MRTFB: variants seen among roughly 807,000 people sequenced by gnomAD.
MRTFB encodes the protein myocardin-related transcription factor B.
A neutral mutation model predicts 104.2 loss-of-function variants in MRTFB; 29 were observed. The ratio of observed to expected loss-of-function variants is 0.28; its 90% CI spans 0.21 to 0.38. MRTFB has a LOEUF of 0.38. Among genes scored for constraint, MRTFB ranks in the 10% least tolerant of loss-of-function variants. The pLI is 1.00. For missense variants in MRTFB, 1,270 were observed against 1,341.6 expected (o/e 0.95, Z 0.83); for synonymous variants, 535 against 519.5 (o/e 1.03, Z -0.41).
At chr16:14,156,433 A>G (rs774674987) in intron 3 of MRTFB, among the ~76,000 whole-genome samples, 1 of 152,220 alleles carries the variant, frequency 6.6e-6, no homozygotes, top group South Asian at 2.1e-4. Context: ...TGATCAGTGG[A>G]TGAACGAAAT....
the MRTFB span, among the ~76,000 whole-genome samples, chr16:14,011,108 T>C: frequency 2.0e-5 from 3 of 152,244 alleles, no homozygotes; most frequent in Non-Finnish European, 2.9e-5. Context: ...TGGACAAATC[T>C]CTTCCCTTTT....
chr16:14,101,537 G>A (rs2035702247), intron 2 of MRTFB, among the ~76,000 whole-genome samples: 2 of 152,200 alleles, frequency 1.3e-5, no homozygotes, highest in Non-Finnish European at 2.9e-5. Flanking sequence ...GAATATGCCA[G>A]GAGTAATTTT....
At chr16:14,194,289 A>G (rs1471144586) in intron 3 of MRTFB, among the ~76,000 whole-genome samples, 1 of 152,234 alleles carries the variant, frequency 6.6e-6, no homozygotes, top group Non-Finnish European at 1.5e-5. Context: ...TGGTGAGGCC[A>G]GTTAATGGTG....
chr16:14,107,113 G>A (rs1048238321), intron 2 of MRTFB, among the ~76,000 whole-genome samples: 2 of 152,234 alleles, frequency 1.3e-5, no homozygotes, highest in Non-Finnish European at 2.9e-5. Context: ...GCACATGCCA[G>A]TAATCTCAGC....
the MRTFB span, among the ~76,000 whole-genome samples, chr16:14,023,515 C>A: frequency 2.0e-5 from 3 of 151,684 alleles, no homozygotes; most frequent in Admixed American, 6.6e-5. Flanking sequence ...AGTTTTTAAG[C>A]TCTGTGCTTC....
intron 3 of MRTFB, among the ~76,000 whole-genome samples, chr16:14,155,770 A>G (rs927164544): frequency 3.3e-5 from 5 of 152,124 alleles, no homozygotes; most frequent in African/African-American, 1.2e-4. Context: ...CCGACCTTGT[A>G]TGCACTCTGG....
chr16:14,129,713 T>C (rs1475157159), intron 2 of MRTFB, among the ~76,000 whole-genome samples: 2 of 152,236 alleles, frequency 1.3e-5, no homozygotes, highest in African/African-American at 2.4e-5. Context: ...CTTTTGTCTG[T>C]CTTTTTAGTA....
intron 15 of MRTFB, among the ~76,000 whole-genome samples, 170 bp downstream of exon 15, chr16:14,252,672 G>A (rs2043305034): frequency 6.6e-6 from 1 of 152,170 alleles, no homozygotes; most frequent in Non-Finnish European, 1.5e-5. Flanking sequence ...CATTTATCAT[G>A]AAGACCTTAA....
intron 1 of MRTFB, among the ~76,000 whole-genome samples, 171 bp downstream of exon 1, chr16:14,071,536 C>T (rs1399026265): frequency 6.7e-6 from 1 of 149,802 alleles, no homozygotes; most frequent in Non-Finnish European, 1.5e-5. Flanking sequence ...CCCCGGGACT[C>T]GCGCGGGGCG....
intron 3 of MRTFB, among the ~76,000 whole-genome samples, chr16:14,192,760 C>G (rs2040243828): frequency 6.6e-6 from 1 of 152,168 alleles, no homozygotes; most frequent in Non-Finnish European, 1.5e-5. Flanking sequence ...CAGACCTGTG[C>G]TGCCATCTGC....
At chr16:14,111,424 G>T (rs186220357) in intron 2 of MRTFB, among the ~76,000 whole-genome samples, 79 of 152,328 alleles carry the variant, frequency 5.2e-4, no homozygotes, top group Admixed American at 2.0e-3. Flanking sequence ...CCTGAAGGAG[G>T]TAGAAAATCC....
At chr16:14,186,904 A>T (rs2151033419) in intron 3 of MRTFB, 1 of 1,598,194 alleles carries the variant, frequency 6.3e-7, no homozygotes, top group East Asian at 2.2e-5. Context: ...TGTCTTCAGA[A>T]GCCTCTCACC....
At chr16:14,159,700 C>G (rs1174816613) in intron 3 of MRTFB, among the ~76,000 whole-genome samples, 1 of 151,732 alleles carries the variant, frequency 6.6e-6, no homozygotes, top group Non-Finnish European at 1.5e-5. Flanking sequence ...GAGGCCGAGG[C>G]GGGCGGATCA....
rs1238866501 is a variant in MRTFB, at chr16:14,246,938, C to G, written c.1678C>G (p.Leu560Val). The part of the protein sequence containing the change: ...EDSLSPTSST[L>V]SNLELDAAEK... Reference sequence around the variant, plus strand: ...CAGTCTGAGTCCCACCAGCAGCACTCTGTCAAACCTGGAACTGGATGCAGC... The same window carrying G: ...CAGTCTGAGTCCCACCAGCAGCACTGTGTCAAACCTGGAACTGGATGCAGC... Residue 560 changes from leucine (L) to valine (V), a missense_variant, in exon 12 of 17, where the codon CTG becomes GTG. Physicochemically the swap from Leu to Val is conservative, Grantham distance 32. This residue lies in a region of MRTFB where 1,144 missense variants were observed against 1,131.5 expected (regional missense o/e 1.01). Transcript: ENST00000571589. 14 of 1,613,938 alleles carry G rather than the reference C, an allele frequency of 8.7e-6. No homozygotes were observed. The highest frequency in any genetic ancestry group is 8.0e-5 in the African/African-American group (6 of 74,924).
chr16:14,047,909 G>A, the MRTFB span, among the ~76,000 whole-genome samples: 2,721 of 152,104 alleles, frequency 0.018, 87 homozygotes, highest in African/African-American at 0.062. Context: ...CTTCCCAACC[G>A]TCCCCCAAAG....
At chr16:14,209,144 A>G (rs1307373033) in intron 3 of MRTFB, among the ~76,000 whole-genome samples, 1 of 152,228 alleles carries the variant, frequency 6.6e-6, no homozygotes, top group Non-Finnish European at 1.5e-5. Context: ...GATGGAGGCC[A>G]CGTGCCTGCG....
chr16:14,145,990 C>T (rs1211030250), intron 3 of MRTFB, among the ~76,000 whole-genome samples: 2 of 152,218 alleles, frequency 1.3e-5, no homozygotes, highest in Non-Finnish European at 2.9e-5. Context: ...GTGTGCAAGA[C>T]CGGTAAGCTG....
chr16:14,070,279 C>A (rs1341580321), upstream of MRTFB, among the ~76,000 whole-genome samples: 1 of 152,230 alleles, frequency 6.6e-6, no homozygotes, highest in Non-Finnish European at 1.5e-5. Context: ...TGGAAACAGG[C>A]TACTTTCTCC....
At chr16:14,209,781 G>A (rs1356733371) in intron 3 of MRTFB, among the ~76,000 whole-genome samples, 1 of 151,428 alleles carries the variant, frequency 6.6e-6, no homozygotes, top group African/African-American at 2.5e-5. Flanking sequence ...TATCTCATAG[G>A]TCTAATTTTT....
Sources: allele counts gnomAD v4.1 joint callset (sites outside exome capture counted in the v4.1 genomes callset), GRCh38; gene constraint gnomAD v4.1.1; regional missense constraint gnomAD v4.1.1; transcripts MANE v1.5; gene names NCBI Gene and HGNC (gene_info 2026-07-23, HGNC 2026-07-21).